CHRM3: variants seen among roughly 807,000 people sequenced by gnomAD.
The protein encoded by CHRM3 is cholinergic receptor muscarinic 3, also known as muscarinic acetylcholine receptor M3.
A neutral mutation model predicts 41.8 loss-of-function variants in CHRM3; 11 were observed. That is an observed-to-expected ratio of 0.26 (90% CI 0.17 to 0.44). The LOEUF is 0.44. Ranked by LOEUF, CHRM3 falls within the 20% of genes least tolerant of loss-of-function variation. The pLI, the probability that CHRM3 is intolerant of heterozygous loss-of-function variation, is 1.00. For missense variants in CHRM3, 571 were observed against 745.4 expected (o/e 0.77, Z 2.72); for synonymous variants, 297 against 301.4 (o/e 0.99, Z 0.15).
At chr1:239,688,688 T>G (rs1180045841) in intron 5 of CHRM3, among the ~76,000 whole-genome samples, 1 of 134,376 alleles carries the variant, frequency 7.4e-6, no homozygotes, top group Non-Finnish European at 1.5e-5. Context: ...TTATGCAATA[T>G]AATATATAAT....
chr1:239,682,356 G>A (rs1658651147), intron 5 of CHRM3, among the ~76,000 whole-genome samples: 2 of 152,134 alleles, frequency 1.3e-5, no homozygotes, highest in South Asian at 2.1e-4. Flanking sequence ...CATTAGTACA[G>A]GCAGAGCTTT....
At chr1:239,836,744 G>A (rs1329881729) in intron 6 of CHRM3, among the ~76,000 whole-genome samples, 2 of 152,128 alleles carry the variant, frequency 1.3e-5, no homozygotes, top group South Asian at 2.1e-4. Flanking sequence ...TTGGGAGGCC[G>A]AGGCTGATGG....
Position 239,821,274 on chromosome 1 carries a change from G to C in CHRM3, c.-146-5978G>C, listed in dbSNP as rs145314255. Among the ~76,000 whole-genome samples, 6 of 152,316 alleles carry C rather than the reference G, an allele frequency of 3.9e-5. No individual in the cohort carries two copies. In the East Asian group the frequency reaches 1.2e-3, roughly 29 times the overall value. On this transcript the variant is annotated intron_variant, in intron 5 of 6. Coordinates refer to ENST00000676153, the MANE Select transcript of CHRM3 (RefSeq NM_001375978.1). The stretch of plus-strand genomic sequence containing the variant: ...GTCTCTAATGAGACATATACACATT[G>C]ATCTCTGTTTTATCTGACATAAAAA...
chr1:239,742,184 AT>A (rs1558503469), intron 5 of CHRM3, among the ~76,000 whole-genome samples: 1 of 152,120 alleles, frequency 6.6e-6, no homozygotes. Flanking sequence ...GTTAGAAAAT[AT>A]TTTTGTCATT....
intron 6 of CHRM3, chr1:239,899,855 C>T (rs1679374202): frequency 6.6e-6 from 1 of 152,236 alleles, no homozygotes; most frequent in African/African-American, 2.4e-5. Flanking sequence ...CACCCACAAC[C>T]TGGCAGGGAG....
At position 239,549,153 on chromosome 1, in the gene CHRM3, G is replaced by A. The variant is rs556446058; in HGVS notation, c.-313+3404G>A. Among the ~76,000 whole-genome samples, 7 of 152,138 alleles carry A rather than the reference G, an allele frequency of 4.6e-5. No homozygotes were observed. The East Asian group carries it at 1.4e-3, about 29-fold the overall frequency. On this transcript the variant is annotated intron_variant, in intron 3 of 6. Transcript: ENST00000676153. The stretch of plus-strand genomic sequence containing the variant: ...CATGAGAACAGCATGGGAAAAACCT[G>A]CCCCAATGATTCAATTACCTCCCAC...
At chr1:239,747,259 T>G (rs1016833955) in intron 5 of CHRM3, among the ~76,000 whole-genome samples, 24 of 152,208 alleles carry the variant, frequency 1.6e-4, no homozygotes, top group African/African-American at 5.8e-4. Flanking sequence ...TAAATATTTA[T>G]TGAGCACCCA....
chr1:239,544,287 C>T (rs1202883664), intron 2 of CHRM3, among the ~76,000 whole-genome samples: 1 of 152,176 alleles, frequency 6.6e-6, no homozygotes, highest in Non-Finnish European at 1.5e-5. Flanking sequence ...CTATTCGTGC[C>T]ATCCTTCCCC....
chr1:239,899,573 GTA>G (rs902642591), intron 6 of CHRM3, among the ~76,000 whole-genome samples: 49 of 151,508 alleles, frequency 3.2e-4, no homozygotes, highest in African/African-American at 1.2e-3. Flanking sequence ...TAGTGTGTGT[GTA>G]TATATATAGT....
At chr1:239,760,146 C>T (rs889592259) in intron 5 of CHRM3, among the ~76,000 whole-genome samples, 6 of 151,082 alleles carry the variant, frequency 4.0e-5, no homozygotes, top group African/African-American at 4.9e-5. Context: ...AGGATGGTCT[C>T]GATCTCCTGA....
chr1:239,783,523 A>C lies in CHRM3; in HGVS notation c.-146-43729A>C, dbSNP rs536643036. ...TGCAAGATAATAATAGCCATCTTGA[A>C]GGGATTCCAGGTTACTCCCTAAAAG... On this transcript the variant is annotated intron_variant, in intron 5 of 6. Coordinates refer to ENST00000676153, the MANE Select transcript of CHRM3 (RefSeq NM_001375978.1). Among the ~76,000 whole-genome samples, 26 of 152,288 alleles carry C rather than the reference A, an allele frequency of 1.7e-4. No homozygotes were observed. The South Asian group carries it at 5.2e-3, about 30-fold the overall frequency.
intron 1 of CHRM3, among the ~76,000 whole-genome samples, chr1:239,427,833 G>A (rs1272141794): frequency 1.3e-5 from 2 of 152,088 alleles, no homozygotes; most frequent in Non-Finnish European, 2.9e-5. Context: ...GAAAGAAAAG[G>A]CAGTGTTCTA....
chr1:239,556,135 ATTTTC>A (rs992345361), intron 3 of CHRM3, among the ~76,000 whole-genome samples: 13 of 152,160 alleles, frequency 8.5e-5, no homozygotes, highest in African/African-American at 2.9e-4. Context: ...CTTTAAAAAT[ATTTTC>A]TTTTCTTTCC....
chr1:239,542,917 A>G (rs1047114941), intron 2 of CHRM3, among the ~76,000 whole-genome samples: 3 of 152,232 alleles, frequency 2.0e-5, no homozygotes, highest in Admixed American at 6.5e-5. Context: ...TGTATGTAGC[A>G]GATTCTTCTC....
In CHRM3 at chr1:239,557,226, T is replaced by C. The variant is rs75091098; in HGVS notation, c.-313+11477T>C. Among the ~76,000 whole-genome samples the C allele has an allele frequency of 4.6e-5, 7 of 152,300 alleles. No homozygotes were observed. In the East Asian group the frequency reaches 1.4e-3, roughly 29 times the overall value. On this transcript the variant is annotated intron_variant, in intron 3 of 6. Coordinates refer to ENST00000676153, the MANE Select transcript of CHRM3 (RefSeq NM_001375978.1). ...CTGCTGAATAAAACTAATCTTTACA[T>C]CTGAGTTCTCTGTCAGTGTGATTCA... is the stretch of plus-strand genomic sequence containing the variant.
intron 3 of CHRM3, among the ~76,000 whole-genome samples, chr1:239,565,021 C>T (rs969152148): frequency 2.0e-5 from 3 of 152,090 alleles, no homozygotes; most frequent in Admixed American, 6.6e-5. Context: ...GTGGTTGTGG[C>T]GCTCCTTAGC....
intron 3 of CHRM3, among the ~76,000 whole-genome samples, chr1:239,551,483 T>A (rs1384394351): frequency 6.6e-6 from 1 of 150,910 alleles, no homozygotes; most frequent in Non-Finnish European, 1.5e-5. Context: ...TATTGTAGAT[T>A]TAAGCTATTT....
At chr1:239,569,403 A>G (rs1162647559) in intron 3 of CHRM3, among the ~76,000 whole-genome samples, 2 of 152,200 alleles carry the variant, frequency 1.3e-5, no homozygotes, top group Non-Finnish European at 2.9e-5. Flanking sequence ...ATAATGACTC[A>G]GATGGCTGCT....
intron 1 of CHRM3, among the ~76,000 whole-genome samples, chr1:239,455,349 C>T (rs1034775233): frequency 6.6e-5 from 10 of 151,624 alleles, no homozygotes; most frequent in Admixed American, 6.6e-4. Flanking sequence ...CAGTGCCCAG[C>T]CTTCTACTTT....
Sources: gnomAD v4.1 joint callset for allele counts (sites outside exome capture counted in the v4.1 genomes callset) on GRCh38, gnomAD v4.1.1 for gene constraint, MANE v1.5 for transcripts, NCBI Gene and HGNC (gene_info 2026-07-23, HGNC 2026-07-21) for gene names.